Variants in CCDC175 observed in about 807,000 individuals in gnomAD.
CCDC175 encodes coiled-coil domain containing 175.
In CCDC175, 100 loss-of-function variants were observed where a neutral mutation model predicts 114.6. The observed-to-expected ratio is 0.87, with a 90% CI of 0.74 to 1.03. The LOEUF (loss-of-function observed/expected upper bound fraction) is 1.03. Among genes scored for constraint, CCDC175 ranks in the 50% least tolerant of loss-of-function variants. The pLI, the probability that CCDC175 is intolerant of heterozygous loss-of-function variation, is 0.00. For synonymous variants in CCDC175, 306 were observed against 308.7 expected (o/e 0.99, Z 0.09); for missense variants, 880 against 917.8 (o/e 0.96, Z 0.53).
intron 16 of CCDC175, among the ~76,000 whole-genome samples, chr14:59,524,446 A>G (rs1262578061): frequency 3.3e-5 from 5 of 152,256 alleles, no homozygotes; most frequent in African/African-American, 1.2e-4. Flanking sequence ...TTGAACAGTC[A>G]CTTCACAAAA....
intron 12 of CCDC175, 50 bp downstream of exon 12, chr14:59,538,655 G>A (rs989488669): frequency 7.3e-7 from 1 of 1,376,926 alleles, no homozygotes; most frequent in Non-Finnish European, 9.6e-7. Flanking sequence ...AAGGAGAATT[G>A]CTGATATGCA....
In CCDC175 at chr14:59,551,336, A is replaced by G. The variant is rs1293655467; in HGVS notation, c.1035+19T>C. 1.8e-6 allele frequency: 2 copies of G among 1,128,078 alleles called. No homozygotes were observed. Among genetic ancestry groups the G allele is most frequent in the Non-Finnish European group, 2.4e-6 (2 of 824,040 alleles). 69.9% of individuals were successfully genotyped at this position (1,128,078 alleles called of 1,614,324 possible). On this transcript the variant is annotated intron_variant, in intron 8 of 19. Coordinates refer to ENST00000537690, the MANE Select transcript of CCDC175 (RefSeq NM_001164399.2). ...GAAATGTAATTATAATGTAAAAGTC[A>G]TGACTTCTGCCTTCTTACCTGTTTT...
chr14:59,533,913 C>A (rs990915705), intron 13 of CCDC175, among the ~76,000 whole-genome samples: 1 of 150,184 alleles, frequency 6.7e-6, no homozygotes, highest in Non-Finnish European at 1.5e-5. Flanking sequence ...CGCTTGAACC[C>A]GGGAGGCGGA....
chr14:59,540,829 T>C lies in CCDC175; in HGVS notation c.1284-83A>G, dbSNP rs532122214. 4 of 1,144,242 alleles carry C rather than the reference T, an allele frequency of 3.5e-6. No individual in the cohort carries two copies. In the East Asian group the frequency reaches 1.0e-4, roughly 29 times the overall value. The allele number at this position is 1,144,242 out of a possible 1,614,324, so 70.9% of individuals were successfully genotyped here. On this transcript the variant is annotated intron_variant, in intron 10 of 19. Transcript: ENST00000537690. ...GACTCTATACGCATAATTTGTATGC[T>C]CAGTAAGGCTATAGTCTAATTGGGA...
Position 59,563,850 on chromosome 14 carries a change from A to G in CCDC175, c.730T>C (p.Phe244Leu). The stretch of plus-strand genomic sequence containing the variant: ...CTCTTTACTTCACGGGTATTTTCAA[A>G]TTCATTAATCTATAGTGACAAGCAT... ...KQELTAQINE[F>L]ENTREVKRME... Residue 244 changes from phenylalanine (F) to leucine (L), a missense_variant, in exon 6 of 20, where the codon TTT becomes CTT. Transcript: ENST00000537690. The G allele has an allele frequency of 7.0e-7, 1 of 1,437,376 alleles. No individual in the cohort carries two copies. Among genetic ancestry groups the G allele is most frequent in the Non-Finnish European group, 9.1e-7 (1 of 1,102,266 alleles). 89.0% of individuals were successfully genotyped at this position (1,437,376 alleles called of 1,614,324 possible).
At chr14:59,565,806 C>T (rs778430088) in intron 4 of CCDC175, among the ~76,000 whole-genome samples, 15 of 152,094 alleles carry the variant, frequency 9.9e-5, no homozygotes, top group Middle Eastern at 3.2e-3. Flanking sequence ...GGCCTTGCCT[C>T]GCCCCACCCG....
chr14:59,510,112 G>C (rs924527746), intron 19 of CCDC175, among the ~76,000 whole-genome samples: 3 of 152,114 alleles, frequency 2.0e-5, no homozygotes, highest in African/African-American at 7.2e-5. Context: ...GAGTTCTGTG[G>C]CTATGTCTAA....
At chr14:59,520,424 A>G (rs1893359206) in intron 17 of CCDC175, among the ~76,000 whole-genome samples, 2 of 152,252 alleles carry the variant, frequency 1.3e-5, no homozygotes, top group Non-Finnish European at 2.9e-5. Context: ...AAAGTTAATC[A>G]TACACTAACC....
At chr14:59,536,455 C>A (rs956164052) in intron 13 of CCDC175, among the ~76,000 whole-genome samples, 13 of 151,840 alleles carry the variant, frequency 8.6e-5, no homozygotes, top group Non-Finnish European at 8.8e-5. Flanking sequence ...ATTTTCATTC[C>A]CCCGTGCTAG....
At chr14:59,573,181 A>T (rs1485275368) in intron 2 of CCDC175, among the ~76,000 whole-genome samples, 3 of 151,988 alleles carry the variant, frequency 2.0e-5, no homozygotes, top group Non-Finnish European at 4.4e-5. Context: ...GCTTAGGTAT[A>T]AAAAAAATGG....
intron 7 of CCDC175, among the ~76,000 whole-genome samples, chr14:59,552,205 A>T (rs1176428724): frequency 6.6e-6 from 1 of 152,246 alleles, no homozygotes; most frequent in East Asian, 1.9e-4. Context: ...TAGCCTATCC[A>T]GGAGGCACCT....
At chr14:59,541,057 G>A (rs1324116891) in intron 10 of CCDC175, among the ~76,000 whole-genome samples, 1 of 152,146 alleles carries the variant, frequency 6.6e-6, no homozygotes, top group East Asian at 1.9e-4. Context: ...CCAGAATGGA[G>A]GTGCAATCTT....
intron 17 of CCDC175, among the ~76,000 whole-genome samples, chr14:59,514,978 C>T (rs1892987573): frequency 6.6e-6 from 1 of 152,196 alleles, no homozygotes; most frequent in South Asian, 2.1e-4. Flanking sequence ...TCAGCAGAAA[C>T]ACTACAAGCC....
intron 15 of CCDC175, among the ~76,000 whole-genome samples, chr14:59,525,769 CAACA>C (rs1329710262): frequency 3.9e-5 from 6 of 152,104 alleles, no homozygotes; most frequent in Admixed American, 2.0e-4. Flanking sequence ...ATAATAACAA[CAACA>C]AATAATACAA....
chr14:59,526,217 C>A (rs1379559592), intron 15 of CCDC175, among the ~76,000 whole-genome samples: 3 of 152,128 alleles, frequency 2.0e-5, no homozygotes, highest in African/African-American at 7.2e-5. Flanking sequence ...CCAGAAGCAT[C>A]TTATTAAGAA....
chr14:59,530,989 A>C (rs1894037436), intron 14 of CCDC175, among the ~76,000 whole-genome samples: 1 of 152,008 alleles, frequency 6.6e-6, no homozygotes, highest in Non-Finnish European at 1.5e-5. Context: ...GCAATACAAG[A>C]CTCAAAACCC....
chr14:59,550,852 C>G (rs1010379683), intron 8 of CCDC175, among the ~76,000 whole-genome samples: 2 of 152,124 alleles, frequency 1.3e-5, no homozygotes, highest in African/African-American at 4.8e-5. Context: ...TTTTCCCAGC[C>G]TACTGACTCA....
chr14:59,510,680 C>G lies in CCDC175; in HGVS notation c.2271G>C (p.Leu757Phe), dbSNP rs1204467207. ...WLRGSLEGLR[L>F]LVEQESPMDL... Reference sequence around the variant, plus strand: ...CCATTGGTGATTCCTGTTCCACAAGCAAACGCAGCCCTTCAAGACTCCCTC... The same window carrying G: ...CCATTGGTGATTCCTGTTCCACAAGGAAACGCAGCCCTTCAAGACTCCCTC... Residue 757 changes from leucine to phenylalanine, a missense_variant, in exon 19 of 20, where the codon TTG becomes TTC. Transcript: ENST00000537690. The G allele has an allele frequency of 1.3e-6, 2 of 1,537,204 alleles. No homozygotes were observed. The highest frequency in any genetic ancestry group is 1.7e-6 in the Non-Finnish European group (2 of 1,146,870).
chr14:59,506,866 C>T (rs951040326), intron 19 of CCDC175, among the ~76,000 whole-genome samples: 2 of 151,912 alleles, frequency 1.3e-5, no homozygotes, highest in African/African-American at 4.8e-5. Context: ...TTTAAAGTAC[C>T]TCATCCTAAA....
Sources: allele counts gnomAD v4.1 joint callset (sites outside exome capture counted in the v4.1 genomes callset), GRCh38; gene constraint gnomAD v4.1.1; transcripts MANE v1.5; gene names NCBI Gene and HGNC (gene_info 2026-07-23, HGNC 2026-07-21).